VAV3: variants seen among roughly 807,000 people sequenced by gnomAD.
VAV3 encodes vav guanine nucleotide exchange factor 3.
In VAV3, 94 loss-of-function variants were observed where a neutral mutation model predicts 131.2. The ratio of observed to expected loss-of-function variants is 0.72; its 90% confidence interval spans 0.61 to 0.85. The LOEUF is 0.85. Among genes scored for constraint, VAV3 ranks in the 40% least tolerant of loss-of-function variants. The pLI, the probability that VAV3 is intolerant of heterozygous loss-of-function variation, is 0.00. For missense variants in VAV3, 939 were observed against 1,002.7 expected, an observed-to-expected ratio of 0.94 and a Z score of 0.86; for synonymous variants, 349 against 342.0, an observed-to-expected ratio of 1.02 and a Z score of -0.22.
chr1:107,657,250 C>T (rs1300163494), intron 19 of VAV3, among the ~76,000 whole-genome samples: 2 of 152,082 alleles, frequency 1.3e-5, no homozygotes, highest in Non-Finnish European at 2.9e-5. Flanking sequence ...CCACCACGCC[C>T]GGCCTCTGTA....
chr1:107,590,613 A>AAAAT (rs1650872605), intron 25 of VAV3, among the ~76,000 whole-genome samples: 1 of 152,124 alleles, frequency 6.6e-6, no homozygotes, highest in South Asian at 2.1e-4. Flanking sequence ...ACTGTGCAAA[A>AAAAT]CTGAATATAT....
intron 2 of VAV3, among the ~76,000 whole-genome samples, chr1:107,814,317 T>C (rs1667472384): frequency 1.3e-5 from 2 of 152,246 alleles, no homozygotes; most frequent in African/African-American, 4.8e-5. Flanking sequence ...CACCCATTAG[T>C]TTTTGTCTTT....
intron 15 of VAV3, among the ~76,000 whole-genome samples, chr1:107,748,049 T>C (rs1663463934): frequency 6.6e-6 from 1 of 151,548 alleles, no homozygotes; most frequent in African/African-American, 2.4e-5. Context: ...TAAAATAACC[T>C]TGAGAATCTT....
intron 19 of VAV3, among the ~76,000 whole-genome samples, chr1:107,644,645 C>A (rs1655593074): frequency 6.6e-6 from 1 of 152,006 alleles, no homozygotes; most frequent in Admixed American, 6.6e-5. Context: ...TTCTTTATTG[C>A]CAACATGCCC....
At chr1:107,923,195 C>A (rs958090175) in intron 1 of VAV3, among the ~76,000 whole-genome samples, 5 of 152,070 alleles carry the variant, frequency 3.3e-5, no homozygotes. Flanking sequence ...TATAAATGGA[C>A]TCATATGGTA....
At chr1:107,709,666 T>TG (rs769819233) in intron 15 of VAV3, among the ~76,000 whole-genome samples, 25 of 152,192 alleles carry the variant, frequency 1.6e-4, no homozygotes, top group Non-Finnish European at 3.2e-4. Context: ...ATCGTGGGGA[T>TG]GGTTTCCCCC....
At chr1:107,617,253 C>T (rs72703574) in intron 21 of VAV3, among the ~76,000 whole-genome samples, 4,428 of 152,246 alleles carry the variant, frequency 0.029, 88 homozygotes, top group East Asian at 0.047. Context: ...GTACCATTCT[C>T]AGTTCAGTGG....
intron 2 of VAV3, among the ~76,000 whole-genome samples, chr1:107,843,281 T>C (rs1399394982): frequency 6.6e-6 from 1 of 151,444 alleles, no homozygotes; most frequent in African/African-American, 2.4e-5. Context: ...TTTTTGTATA[T>C]ATAAAATAAG....
At chr1:107,726,979 T>G (rs1409534351) in intron 15 of VAV3, among the ~76,000 whole-genome samples, 1 of 152,188 alleles carries the variant, frequency 6.6e-6, no homozygotes, top group Non-Finnish European at 1.5e-5. Flanking sequence ...CATCTAACAT[T>G]ATTTTTGAAA....
At chr1:107,854,438 T>C (rs1330963170) in intron 2 of VAV3, among the ~76,000 whole-genome samples, 2 of 152,186 alleles carry the variant, frequency 1.3e-5, no homozygotes, top group East Asian at 3.8e-4. Flanking sequence ...TTTTAACAAA[T>C]GGCTTCAACA....
intron 15 of VAV3, among the ~76,000 whole-genome samples, chr1:107,744,278 AT>A (rs1176980389): frequency 6.6e-6 from 1 of 152,162 alleles, no homozygotes; most frequent in Non-Finnish European, 1.5e-5. Context: ...CCTCTATGCT[AT>A]TTTCCCTTAG....
At chr1:107,954,747 A>G (rs993839805) in intron 1 of VAV3, among the ~76,000 whole-genome samples, 11 of 148,578 alleles carry the variant, frequency 7.4e-5, no homozygotes, top group African/African-American at 2.9e-4. Flanking sequence ...GGAGCCCCAC[A>G]CAACAGGAAA....
chr1:107,827,277 C>T (rs1668058024), intron 2 of VAV3, among the ~76,000 whole-genome samples: 1 of 152,120 alleles, frequency 6.6e-6, no homozygotes, highest in Admixed American at 6.6e-5. Context: ...CTTAGTTCTT[C>T]CCTTCTCTCA....
chr1:107,609,942 A>G lies in VAV3; in HGVS notation c.2004T>C (p.Ser668=). 3 of 1,613,698 alleles carry G rather than the reference A, an allele frequency of 1.9e-6. No individual in the cohort carries two copies. Among genetic ancestry groups the G allele is most frequent in the Non-Finnish European group, 2.5e-6 (3 of 1,179,678 alleles). The change falls in exon 22 of 27, where the codon TCT becomes TCC. Residue 668 remains serine (S), a synonymous_variant. Transcript: ENST00000370056. ...CPCVPKPVDY[S]CQPWYAGAME... is the part of the protein sequence containing the mutation. ...TTTTTAATACTTACCAGGGTTGGCAAGAATAATCTACTGGTTTGGGCACCT... is the reference window on the plus strand; with the variant it reads ...TTTTTAATACTTACCAGGGTTGGCAGGAATAATCTACTGGTTTGGGCACCT...
chr1:107,602,924 A>C, intron 23 of VAV3, 123 bp downstream of exon 23: 9 of 695,966 alleles, frequency 1.3e-5, no homozygotes, highest in African/African-American at 1.8e-5. Flanking sequence ...CTGTCTGGAT[A>C]GATGCATTAT....
At chr1:107,651,568 C>T (rs991540666) in intron 19 of VAV3, among the ~76,000 whole-genome samples, 5 of 145,808 alleles carry the variant, frequency 3.4e-5, no homozygotes, top group Non-Finnish European at 7.6e-5. Context: ...GAGGGAGGGA[C>T]CCTTTCTCTC....
chr1:107,751,220 CAT>C lies in VAV3; in HGVS notation c.1174-20_1174-19del, dbSNP rs753033775. On this transcript the variant is annotated intron_variant, in intron 12 of 26. Coordinates refer to ENST00000370056, the MANE Select transcript of VAV3 (RefSeq NM_006113.5). ...GGTTGGTTCTAAAATATAAAATGCA[CAT>C]GTCAGAGTTTTTCATAATCACATGA... 1 of 1,587,916 alleles carries C rather than the reference CAT, an allele frequency of 6.3e-7. No homozygotes were observed. Among genetic ancestry groups the C allele is most frequent in the Non-Finnish European group, 8.6e-7 (1 of 1,163,756 alleles).
rs1228556561 is a variant in VAV3 at position 107,891,137 on chromosome 1, T to A, written c.205-16120A>T. On this transcript the variant is annotated intron_variant, in intron 1 of 26. Transcript: ENST00000370056. ...GATGTCCTACCACAATTATTGCTAG[T>A]GTCCCTTTCTTTAAAAAAAAAAAAA... 4.3e-5 allele frequency among the ~76,000 whole-genome samples: 5 copies of A among 115,754 alleles called. No homozygotes were observed. The East Asian group carries it at 1.1e-3, about 26-fold the overall frequency. The allele number at this position is 115,754 out of a possible 152,430, so 75.9% of individuals were successfully genotyped here.
At chr1:107,662,072 C>T (rs1657059575) in intron 19 of VAV3, among the ~76,000 whole-genome samples, 1 of 152,166 alleles carries the variant, frequency 6.6e-6, no homozygotes, top group African/African-American at 2.4e-5. Flanking sequence ...TAATTGTTTA[C>T]ATGGCATAGA....
Sources: gnomAD v4.1 joint callset for allele counts (sites outside exome capture counted in the v4.1 genomes callset) on GRCh38, gnomAD v4.1.1 for gene constraint, MANE v1.5 for transcripts, NCBI Gene and HGNC (gene_info 2026-07-23, HGNC 2026-07-21) for gene names.